MTSS2: variants seen among roughly 807,000 people sequenced by gnomAD.
MTSS2 encodes MTSS I-BAR domain containing 2.
Under a neutral mutation model 67.1 loss-of-function variants are expected in MTSS2, and 27 were observed. That is an observed-to-expected ratio of 0.40 (90% confidence interval 0.30 to 0.55). MTSS2 has a LOEUF of 0.55. Ranked by LOEUF, MTSS2 falls within the 20% of genes least tolerant of loss-of-function variation. The probability of loss-of-function intolerance (pLI) is 0.43; values close to 1 mark genes in which losing one functional copy is unlikely to be tolerated. For missense variants in MTSS2, 1,171 were observed against 1,067.8 expected, an observed-to-expected ratio of 1.10 and a Z score of -1.35; for synonymous variants, 624 against 468.6, an observed-to-expected ratio of 1.33 and a Z score of -4.28.
intron 13 of MTSS2, 59 bp downstream of exon 13, chr16:70,664,861 C>A: frequency 6.6e-7 from 1 of 1,514,020 alleles, no homozygotes; most frequent in Non-Finnish European, 8.9e-7. Flanking sequence ...GGCCCTGAGG[C>A]CACTGGCTGG....
chr16:70,684,260 G>A (rs576794900), intron 1 of MTSS2, among the ~76,000 whole-genome samples: 10 of 152,254 alleles, frequency 6.6e-5, no homozygotes, highest in African/African-American at 1.9e-4. Flanking sequence ...CAGGATCCTG[G>A]GGCCAGGGCT....
At position 70,674,426 on chromosome 16, in the gene MTSS2, C is replaced by A; in HGVS notation, c.933G>T (p.Ala311=). 2 of 1,614,126 alleles carry A rather than the reference C, an allele frequency of 1.2e-6. No individual in the cohort carries two copies. The highest frequency in any genetic ancestry group is 1.7e-6 in the Non-Finnish European group (2 of 1,180,018). ...PSSTCRYRSL[A]QPATTTARLS... ...GGCGAGCGGTGGTGGTGGCTGGCTGCGCCAGGCTGCGGTAGCGACAGGTGG... is the reference window on the plus strand; with the variant it reads ...GGCGAGCGGTGGTGGTGGCTGGCTGAGCCAGGCTGCGGTAGCGACAGGTGG... Residue 311 remains alanine (A), a synonymous_variant, in exon 11 of 15, where the codon GCG becomes GCT. Coordinates refer to ENST00000338779, the MANE Select transcript of MTSS2 (RefSeq NM_138383.3).
intron 11 of MTSS2, among the ~76,000 whole-genome samples, chr16:70,669,000 T>TCACACCACACA (rs1416507558): frequency 2.6e-5 from 4 of 152,026 alleles, no homozygotes; most frequent in Admixed American, 6.6e-5. Flanking sequence ...GACCCCTACC[T>TCACACCACACA]CACACCACAC....
chr16:70,665,009 CT>C lies in MTSS2; in HGVS notation c.1215del (p.Glu406SerfsTer46). On this transcript the variant is annotated frameshift_variant, in exon 13 of 15. Transcript: ENST00000338779. LOFTEE classifies it high-confidence loss of function. Reference sequence around the variant, plus strand: ...GTGCCCCCACTGGCAGGGCCTGGCTCTGTGTCTCGCAGGAGCTCCACTCGGT... The same window carrying C: ...GTGCCCCCACTGGCAGGGCCTGGCTCGTGTCTCGCAGGAGCTCCACTCGGT... Reference protein sequence around the residue: ...RKDRVELLRDTEPGPASGGTL... With the variant: ...RKDRVELLRDXEPGPASGGTL... 1 of 1,594,882 alleles carries C rather than the reference CT, an allele frequency of 6.3e-7. No individual in the cohort carries two copies. Among genetic ancestry groups the C allele is most frequent in the Non-Finnish European group, 8.5e-7 (1 of 1,178,598 alleles).
chr16:70,680,390 G>T (rs899345673), intron 3 of MTSS2, among the ~76,000 whole-genome samples: 2 of 152,160 alleles, frequency 1.3e-5, no homozygotes, highest in African/African-American at 4.8e-5. Flanking sequence ...CCCAGGGCCC[G>T]AAGGAGCGGG....
In MTSS2 at chr16:70,663,500, A is replaced by T; in HGVS notation, c.*177T>A. Reference sequence around the variant, plus strand: ...CTCCGTCCTGGCCAGGCTTGCTAAGAAGTCACTTCCTGTTTAAATGCTGGA... The same window carrying T: ...CTCCGTCCTGGCCAGGCTTGCTAAGTAGTCACTTCCTGTTTAAATGCTGGA... On this transcript the variant is annotated 3_prime_UTR_variant, in exon 15 of 15. Transcript: ENST00000338779. 8.1e-7 allele frequency: 1 copy of T among 1,242,232 alleles called. No individual in the cohort carries two copies. The highest frequency in any genetic ancestry group is 1.1e-6 in the Non-Finnish European group (1 of 932,016). The allele number at this position is 1,242,232 out of a possible 1,614,324, so 77.0% of individuals were successfully genotyped here.
At chr16:70,665,139 C>T (rs2052658737) in intron 12 of MTSS2, 43 bp from the exon 13 acceptor site, 5 of 1,549,576 alleles carry the variant, frequency 3.2e-6, no homozygotes, top group Non-Finnish European at 4.3e-6. Flanking sequence ...ACTGGCCCTA[C>T]CACCTATGGC....
intron 8 of MTSS2, 37 bp from the exon 9 acceptor site, chr16:70,677,936 G>A (rs1205491072): frequency 1.2e-5 from 17 of 1,449,536 alleles, no homozygotes; most frequent in South Asian, 6.8e-5. Flanking sequence ...TGGCCCTATC[G>A]CCCACCTGCC....
chr16:70,679,301 G>T lies in MTSS2; in HGVS notation c.466+14C>A. 6.2e-7 allele frequency: 1 copy of T among 1,613,902 alleles called. No individual in the cohort carries two copies. The highest frequency in any genetic ancestry group is 8.5e-7 in the Non-Finnish European group (1 of 1,179,830). On this transcript the variant is annotated intron_variant, in intron 7 of 14. Coordinates refer to ENST00000338779, the MANE Select transcript of MTSS2 (RefSeq NM_138383.3). ...GACGGGAGGAGCAGCTGGAGGGACC[G>T]ACATTTGACTTACCAAGTAGCTCTA... is the stretch of plus-strand genomic sequence containing the variant.
chr16:70,671,507 A>G (rs2052935837), intron 11 of MTSS2, among the ~76,000 whole-genome samples: 1 of 152,214 alleles, frequency 6.6e-6, no homozygotes, highest in Non-Finnish European at 1.5e-5. Flanking sequence ...AAAATTGAAT[A>G]TATAAATAAA....
intron 1 of MTSS2, among the ~76,000 whole-genome samples, chr16:70,685,004 A>C (rs1402403894): frequency 2.0e-5 from 3 of 152,156 alleles, no homozygotes; most frequent in Non-Finnish European, 2.9e-5. Flanking sequence ...CCTGACCTTA[A>C]GCAATCCTGG....
intron 7 of MTSS2, 50 bp from the exon 8 acceptor site, chr16:70,678,459 C>T: frequency 6.4e-7 from 1 of 1,570,860 alleles, no homozygotes; most frequent in East Asian, 2.3e-5. Context: ...GCCTGGCTTG[C>T]CACACCCACA....
chr16:70,666,723 T>TA (rs1428506825), intron 11 of MTSS2, among the ~76,000 whole-genome samples: 2 of 151,958 alleles, frequency 1.3e-5, no homozygotes, highest in Admixed American at 6.6e-5. Flanking sequence ...ACGGTTAAAG[T>TA]AAAAAAACTC....
chr16:70,673,965 TAGAA>T (rs1250863652), intron 11 of MTSS2, among the ~76,000 whole-genome samples: 19 of 151,658 alleles, frequency 1.3e-4, no homozygotes, highest in South Asian at 2.1e-4. Flanking sequence ...TCAGGACAAA[TAGAA>T]AGAAGAAAGC....
Position 70,664,211 on chromosome 16 carries a change from G to C in MTSS2, c.1710C>G (p.Thr570=), listed in dbSNP as rs1050857530. 3 of 1,589,564 alleles carry C rather than the reference G, an allele frequency of 1.9e-6. No individual in the cohort carries two copies. The highest frequency in any genetic ancestry group is 1.3e-5 in the African/African-American group (1 of 74,586). ...GVATIRRTPS[T]KPTVRRALSS... ...ACAGGGCGCGGCGCACGGTGGGCTT[G>C]GTGGAGGGTGTGCGGCGGATGGTGG... Residue 570 remains threonine, a synonymous_variant, in exon 15 of 15, where the codon ACC becomes ACG. Transcript: ENST00000338779.
At chr16:70,671,781 G>T (rs984262894) in intron 11 of MTSS2, among the ~76,000 whole-genome samples, 1 of 152,130 alleles carries the variant, frequency 6.6e-6, no homozygotes, top group Non-Finnish European at 1.5e-5. Context: ...AAGGATCAAG[G>T]TGAACATCAG....
rs745680705 is a variant in MTSS2, at chr16:70,680,909, G to GGA, written c.132-43_132-42insTC. On this transcript the variant is annotated intron_variant, in intron 2 of 14. Coordinates refer to ENST00000338779, the MANE Select transcript of MTSS2 (RefSeq NM_138383.3). ...CGGCATGGATGGTCGGTGGTTGGGC[G>GGA]GGGGGGGGGCCTCTGCCTGCCCCTC... is the stretch of plus-strand genomic sequence containing the variant. 2.4e-5 allele frequency: 25 copies of GGA among 1,053,210 alleles called. No homozygotes were observed. The South Asian group carries it at 2.9e-4, about 12-fold the overall frequency. 65.2% of individuals were successfully genotyped at this position (1,053,210 alleles called of 1,614,324 possible). A position where few individuals can be genotyped will look rare whatever the true frequency, so the allele number is the denominator to read the frequency against.
chr16:70,664,751 C>T lies in MTSS2; in HGVS notation c.1318G>A (p.Val440Met), dbSNP rs1291807914. Residue 440 changes from valine (V) to methionine (M), a missense_variant, in exon 14 of 15, where the codon GTG (valine) becomes ATG (methionine). Coordinates refer to ENST00000338779, the MANE Select transcript of MTSS2 (RefSeq NM_138383.3). ...GCCAGGTCACTGGCGGCGGGGGACA[C>T]CTCCTCACCGTGCTGAGGGTGGGAA... ...ATIAAKHGEE[V>M]SPAASDLAMV... is the part of the protein sequence containing the mutation. 3.1e-6 allele frequency: 5 copies of T among 1,611,292 alleles called. No individual in the cohort carries two copies. The highest frequency in any genetic ancestry group is 4.2e-6 in the Non-Finnish European group (5 of 1,179,136).
Position 70,661,495 on chromosome 16 carries a change from C to T in MTSS2, c.*2182G>A, listed in dbSNP as rs1597788528. 1 of 350,572 alleles carries T rather than the reference C, an allele frequency of 2.9e-6. No homozygotes were observed. The highest frequency in any genetic ancestry group is 2.1e-5 in the South Asian group (1 of 47,098). 21.7% of individuals were successfully genotyped at this position (350,572 alleles called of 1,614,324 possible). A position where few individuals can be genotyped will look rare whatever the true frequency, so the allele number is the denominator to read the frequency against. On this transcript the variant is annotated 3_prime_UTR_variant, in exon 15 of 15. Transcript: ENST00000338779. ...GGAAAGTTACTTCAGTCAAAAGACG[C>T]TTTTGAAAAGAATATTTCTCCGTAC...
Sources: gnomAD v4.1 joint callset for allele counts (sites outside exome capture counted in the v4.1 genomes callset) on GRCh38, gnomAD v4.1.1 for gene constraint, MANE v1.5 for transcripts, NCBI Gene and HGNC (gene_info 2026-07-23, HGNC 2026-07-21) for gene names.